ZNF385B: variants seen among roughly 807,000 people sequenced by gnomAD.
ZNF385B encodes the protein zinc finger protein 533.
Under a neutral mutation model 39.2 loss-of-function variants are expected in ZNF385B, and 23 were observed. That is an observed-to-expected ratio of 0.59 (90% CI 0.42 to 0.83). The LOEUF (loss-of-function observed/expected upper bound fraction) is 0.83, where lower values mean the gene tolerates loss of function less well. Among genes scored for constraint, ZNF385B ranks in the 40% least tolerant of loss-of-function variants. The pLI, the probability that ZNF385B is intolerant of heterozygous loss-of-function variation, is 0.00. For synonymous variants in ZNF385B, 205 were observed against 222.6 expected (o/e 0.92, Z 0.70); for missense variants, 552 against 598.9 (o/e 0.92, Z 0.82).
At chr2:179,721,528 T>C (rs1329929238) in intron 3 of ZNF385B, among the ~76,000 whole-genome samples, 6 of 152,144 alleles carry the variant, frequency 3.9e-5, no homozygotes. Context: ...CAAGAAATTA[T>C]TTCATTCTTC....
intron 3 of ZNF385B, among the ~76,000 whole-genome samples, chr2:179,690,944 C>G (rs1698309997): frequency 6.6e-6 from 1 of 152,148 alleles, no homozygotes; most frequent in Admixed American, 6.5e-5. Flanking sequence ...TTCCTGAACA[C>G]TGATTTAGAT....
At position 179,502,961 on chromosome 2, in the gene ZNF385B, C is replaced by A. The variant is rs182718313; in HGVS notation, c.552+15567G>T. On this transcript the variant is annotated intron_variant, in intron 5 of 9. Transcript: ENST00000410066. ...GGATCATGGCTCACTGCAGGCTTGA[C>A]CTCCCGGGGTCAAAGCAATCTCCCC... Among the ~76,000 whole-genome samples, 922 of 152,260 alleles carry A rather than the reference C, an allele frequency of 6.1e-3. 11 individuals carry two copies. The highest frequency in any genetic ancestry group is 0.021 in the African/African-American group (891 of 41,560).
chr2:179,810,744 T>C (rs1017703246), intron 1 of ZNF385B, among the ~76,000 whole-genome samples: 2 of 152,138 alleles, frequency 1.3e-5, no homozygotes, highest in African/African-American at 2.4e-5. Context: ...GGTTGTTTTC[T>C]CTTCCAAGAT....
Position 179,444,438 on chromosome 2 carries a change from G to A in ZNF385B, c.1242+438C>T, listed in dbSNP as rs558553401. 9.2e-5 allele frequency among the ~76,000 whole-genome samples: 14 copies of A among 152,240 alleles called. No homozygotes were observed. The South Asian group carries it at 1.2e-3, about 14-fold the overall frequency. ...GCCTGCTAGAATGGAGAGAGCACAC[G>A]ATACAGACACCGCTTTACCTTCTCA... is the stretch of plus-strand genomic sequence containing the variant. On this transcript the variant is annotated intron_variant, in intron 9 of 9. Transcript: ENST00000410066.
At chr2:179,499,813 T>C (rs961673925) in intron 5 of ZNF385B, among the ~76,000 whole-genome samples, 1 of 151,944 alleles carries the variant, frequency 6.6e-6, no homozygotes, top group African/African-American at 2.4e-5. Context: ...GAGAAGGATA[T>C]AAAGGACCTC....
intron 3 of ZNF385B, among the ~76,000 whole-genome samples, chr2:179,612,608 A>C (rs752421984): frequency 9.2e-5 from 14 of 151,976 alleles, no homozygotes; most frequent in Non-Finnish European, 2.9e-5. Flanking sequence ...CTCTGTGCTG[A>C]GTTATCTGGA....
At chr2:179,665,188 T>A (rs1243351732) in intron 3 of ZNF385B, among the ~76,000 whole-genome samples, 4 of 152,192 alleles carry the variant, frequency 2.6e-5, no homozygotes, top group African/African-American at 9.7e-5. Context: ...GTCACAATGC[T>A]AATGTATAGT....
chr2:179,853,401 C>T (rs985828754), intron 1 of ZNF385B, among the ~76,000 whole-genome samples: 13 of 152,214 alleles, frequency 8.5e-5, no homozygotes, highest in African/African-American at 3.1e-4. Context: ...TGTTAAGTTA[C>T]TTGGTCTTCC....
At chr2:179,491,205 G>T (rs2055185167) in intron 5 of ZNF385B, among the ~76,000 whole-genome samples, 1 of 151,932 alleles carries the variant, frequency 6.6e-6, no homozygotes. Flanking sequence ...ATTTATTTAA[G>T]AATTCATCAA....
chr2:179,835,587 A>G (rs1441434294), intron 1 of ZNF385B, among the ~76,000 whole-genome samples: 4 of 152,048 alleles, frequency 2.6e-5, no homozygotes, highest in Non-Finnish European at 5.9e-5. Context: ...CATACCAACC[A>G]CTGCACTATC....
chr2:179,713,773 G>T (rs1700152805), intron 3 of ZNF385B, among the ~76,000 whole-genome samples: 1 of 152,148 alleles, frequency 6.6e-6, no homozygotes, highest in Admixed American at 6.6e-5. Flanking sequence ...TAAGGAATGG[G>T]ATTAGATGAA....
At chr2:179,727,184 T>C (rs1056211743) in intron 3 of ZNF385B, among the ~76,000 whole-genome samples, 3 of 152,126 alleles carry the variant, frequency 2.0e-5, no homozygotes, top group Non-Finnish European at 4.4e-5. Context: ...AGGTATTTTA[T>C]CTGATAACCA....
At chr2:179,655,492 CA>C (rs11324530) in intron 3 of ZNF385B, among the ~76,000 whole-genome samples, 130,723 of 143,738 alleles carry the variant, frequency 0.91, 59,357 homozygotes, top group East Asian at 0.99. Context: ...GAAAAGAAAG[CA>C]AAAAAAAAAA....
chr2:179,652,796 C>A (rs1466744133), intron 3 of ZNF385B, among the ~76,000 whole-genome samples: 1 of 149,974 alleles, frequency 6.7e-6, no homozygotes, highest in African/African-American at 2.5e-5. Flanking sequence ...TAAATAAATA[C>A]CTTACCTATT....
intron 3 of ZNF385B, among the ~76,000 whole-genome samples, chr2:179,726,937 A>C (rs1429807341): frequency 6.6e-6 from 1 of 152,108 alleles, no homozygotes; most frequent in Non-Finnish European, 1.5e-5. Flanking sequence ...TAGTTAATGA[A>C]GAATGGAGAT....
chr2:179,454,125 T>C (rs940332114), intron 6 of ZNF385B, among the ~76,000 whole-genome samples: 6 of 152,170 alleles, frequency 3.9e-5, no homozygotes, highest in South Asian at 4.1e-4. Flanking sequence ...AGACCAGACT[T>C]TCTGATATCT....
intron 3 of ZNF385B, among the ~76,000 whole-genome samples, chr2:179,750,776 C>CAT (rs1166146297): frequency 5.3e-5 from 8 of 152,078 alleles, no homozygotes; most frequent in African/African-American, 1.9e-4. Context: ...CTACCTCACA[C>CAT]TGAAATGATT....
intron 3 of ZNF385B, among the ~76,000 whole-genome samples, chr2:179,724,948 T>G (rs1700912154): frequency 6.6e-6 from 1 of 152,178 alleles, no homozygotes; most frequent in African/African-American, 2.4e-5. Context: ...TAGCTTATTT[T>G]GAAAGTAAAT....
chr2:179,576,626 T>C (rs1258518729), intron 3 of ZNF385B, among the ~76,000 whole-genome samples: 1 of 152,220 alleles, frequency 6.6e-6, no homozygotes, highest in East Asian at 1.9e-4. Context: ...CATCTTTCTA[T>C]AAGTGCACAA....
Sources: allele counts gnomAD v4.1 joint callset (sites outside exome capture counted in the v4.1 genomes callset), GRCh38; gene constraint gnomAD v4.1.1; transcripts MANE v1.5; gene names NCBI Gene and HGNC (gene_info 2026-07-23, HGNC 2026-07-21).